Variants in MYO9A observed in about 807,000 individuals in gnomAD.
MYO9A encodes myosin IXA.
Under a neutral mutation model 293.3 loss-of-function variants are expected in MYO9A, and 103 were observed. The observed-to-expected ratio is 0.35, with a 90% confidence interval of 0.30 to 0.41. The LOEUF (loss-of-function observed/expected upper bound fraction) is 0.41, where lower values mean the gene tolerates loss of function less well. MYO9A is among the 10% of genes least tolerant of loss of function. The pLI is 1.00. For missense variants in MYO9A, 2,685 were observed against 3,033.0 expected (o/e 0.89, Z 2.69); for synonymous variants, 1,001 against 1,035.7 (o/e 0.97, Z 0.64).
chr15:72,000,037 G>T, intron 8 of MYO9A, 97 bp from the exon 9 acceptor site: 2 of 897,898 alleles, frequency 2.2e-6, no homozygotes, highest in Non-Finnish European at 1.7e-6. Flanking sequence ...AGCTTAATGA[G>T]ATTAGCAATT....
chr15:72,010,845 A>G (rs774199835), intron 6 of MYO9A, among the ~76,000 whole-genome samples: 37 of 152,296 alleles, frequency 2.4e-4, no homozygotes, highest in Middle Eastern at 3.4e-3. Context: ...TATTCAACAA[A>G]TATTTAACAA....
At chr15:71,969,083 C>T (rs1383649100) in intron 12 of MYO9A, among the ~76,000 whole-genome samples, 1 of 152,136 alleles carries the variant, frequency 6.6e-6, no homozygotes, top group Non-Finnish European at 1.5e-5. Context: ...AACTAGGTAA[C>T]CTTCTTTGAG....
At chr15:72,037,701 C>T (rs557227022) in intron 2 of MYO9A, among the ~76,000 whole-genome samples, 5 of 152,098 alleles carry the variant, frequency 3.3e-5, no homozygotes, top group South Asian at 2.1e-4. Flanking sequence ...AACCAAATAA[C>T]GGTAAGAAAA....
At chr15:71,911,325 C>T (rs1405803112) in intron 19 of MYO9A, among the ~76,000 whole-genome samples, 1 of 152,072 alleles carries the variant, frequency 6.6e-6, no homozygotes, top group Non-Finnish European at 1.5e-5. Flanking sequence ...ACCAATCAGC[C>T]TTTTCAAAGG....
chr15:71,942,933 T>C (rs995268251), intron 15 of MYO9A, among the ~76,000 whole-genome samples: 1 of 152,064 alleles, frequency 6.6e-6, no homozygotes, highest in Admixed American at 6.5e-5. Flanking sequence ...AAAATCTATA[T>C]AGGTGAGCAT....
Position 72,006,052 on chromosome 15 carries a change from A to G in MYO9A, c.1380+1774T>C, listed in dbSNP as rs544088771. Among the ~76,000 whole-genome samples the G allele has an allele frequency of 1.2e-4, 19 of 152,334 alleles. No individual in the cohort carries two copies. The East Asian group carries it at 3.7e-3, about 29-fold the overall frequency. On this transcript the variant is annotated intron_variant, in intron 8 of 41. Transcript: ENST00000356056. ...ACCCCGTAATAAACAGAAATGAGCT[A>G]TCAAGTCACAGAAAGACATGAATGA...
chr15:71,846,325 C>T (rs893491630), intron 39 of MYO9A, among the ~76,000 whole-genome samples: 1 of 152,132 alleles, frequency 6.6e-6, no homozygotes, highest in Admixed American at 6.5e-5. Context: ...TCTGCCTCCC[C>T]TATCACTCCT....
chr15:72,054,062 A>G (rs991991126), intron 1 of MYO9A, among the ~76,000 whole-genome samples: 8 of 152,252 alleles, frequency 5.3e-5, no homozygotes, highest in African/African-American at 1.9e-4. Flanking sequence ...CATCTATAAC[A>G]TAAGGATACA....
chr15:71,965,169 T>G (rs2075841841), intron 13 of MYO9A, among the ~76,000 whole-genome samples: 1 of 151,976 alleles, frequency 6.6e-6, no homozygotes, highest in Admixed American at 6.6e-5. Flanking sequence ...ACTCATGGGT[T>G]ATTCAGAAGA....
At chr15:71,987,106 A>G (rs761710262) in intron 11 of MYO9A, among the ~76,000 whole-genome samples, 33 of 152,220 alleles carry the variant, frequency 2.2e-4, no homozygotes, top group Non-Finnish European at 4.4e-4. Context: ...TATTCAGTGT[A>G]GCATGCTGTA....
chr15:71,980,068 C>G (rs764711331), intron 11 of MYO9A, among the ~76,000 whole-genome samples: 2 of 151,858 alleles, frequency 1.3e-5, no homozygotes, highest in Non-Finnish European at 2.9e-5. Context: ...AGGCTGGTCT[C>G]GAACTCCTGG....
chr15:71,930,519 G>A (rs992546704), intron 18 of MYO9A, among the ~76,000 whole-genome samples: 2 of 151,940 alleles, frequency 1.3e-5, no homozygotes, highest in Admixed American at 6.6e-5. Context: ...AACTACTGTT[G>A]CTCTCTTTAG....
In MYO9A at chr15:71,872,149, T is replaced by C. The variant is rs547998326; in HGVS notation, c.5979+3642A>G. Among the ~76,000 whole-genome samples the C allele has an allele frequency of 2.0e-5, 3 of 152,204 alleles. No individual in the cohort carries two copies. In the East Asian group the frequency reaches 5.8e-4, roughly 29 times the overall value. On this transcript the variant is annotated intron_variant, in intron 32 of 41. Transcript: ENST00000356056. The stretch of plus-strand genomic sequence containing the variant: ...ATTAATCCTGATTGACACCATTGCC[T>C]GTATCAAACCATAATGGCACAAAAA...
intron 10 of MYO9A, among the ~76,000 whole-genome samples, chr15:71,992,479 A>ATT (rs2076569863): frequency 6.6e-6 from 1 of 152,218 alleles, no homozygotes; most frequent in Non-Finnish European, 1.5e-5. Flanking sequence ...TACTAAGAGT[A>ATT]TTTTGTTTAA....
chr15:71,930,924 C>G (rs904567890), intron 18 of MYO9A, among the ~76,000 whole-genome samples: 1 of 152,276 alleles, frequency 6.6e-6, no homozygotes, highest in East Asian at 1.9e-4. Context: ...TTTATGCTTA[C>G]AAAAACTAAA....
intron 1 of MYO9A, among the ~76,000 whole-genome samples, chr15:72,048,170 C>T (rs1342457865): frequency 1.3e-5 from 2 of 151,718 alleles, no homozygotes; most frequent in East Asian, 1.9e-4. Flanking sequence ...GAAGCCAAGG[C>T]GGGCGGATCA....
chr15:71,915,013 A>G (rs1301299034), intron 19 of MYO9A, among the ~76,000 whole-genome samples: 1 of 152,170 alleles, frequency 6.6e-6, no homozygotes, highest in Non-Finnish European at 1.5e-5. Context: ...TGAGCTCACC[A>G]AAGTACTTTT....
At chr15:71,828,281 G>T (rs1046303956) in intron 40 of MYO9A, among the ~76,000 whole-genome samples, 1 of 152,148 alleles carries the variant, frequency 6.6e-6, no homozygotes, top group African/African-American at 2.4e-5. Flanking sequence ...GAAAGATGTA[G>T]TGGTGAGATC....
intron 18 of MYO9A, among the ~76,000 whole-genome samples, chr15:71,923,384 A>G (rs8182066): frequency 0.92 from 140,572 of 152,220 alleles, 65,290 homozygotes; most frequent in Non-Finnish European, 0.97. Flanking sequence ...TTGAAAATAA[A>G]TTTGGAAGAA....
Sources: allele counts gnomAD v4.1 joint callset (sites outside exome capture counted in the v4.1 genomes callset), GRCh38; gene constraint gnomAD v4.1.1; transcripts MANE v1.5; gene names NCBI Gene and HGNC (gene_info 2026-07-23, HGNC 2026-07-21).